Variants in MDGA2 observed in about 807,000 individuals in gnomAD.
The protein encoded by MDGA2 is MAM domain containing glycosylphosphatidylinositol anchor 2.
In MDGA2, 40 loss-of-function variants were observed where a neutral mutation model predicts 117.8. The ratio of observed to expected loss-of-function variants is 0.34; its 90% CI spans 0.26 to 0.44. The LOEUF (loss-of-function observed/expected upper bound fraction) is 0.44. Ranked by LOEUF, MDGA2 falls within the 20% of genes least tolerant of loss-of-function variation. The pLI is 1.00. For missense variants in MDGA2, 1,123 were observed against 1,250.6 expected (o/e 0.90, Z 1.54); for synonymous variants, 452 against 439.0 (o/e 1.03, Z -0.37).
chr14:47,557,977 C>A (rs1895716506), intron 1 of MDGA2, among the ~76,000 whole-genome samples: 1 of 152,138 alleles, frequency 6.6e-6, no homozygotes. Flanking sequence ...CTTCACTTAT[C>A]TTACATAGTT....
intron 1 of MDGA2, among the ~76,000 whole-genome samples, chr14:47,498,927 T>C (rs1427261502): frequency 2.6e-5 from 4 of 152,180 alleles, no homozygotes; most frequent in Admixed American, 1.3e-4. Context: ...TCACCATTTA[T>C]AATTTATGAA....
At chr14:47,160,720 G>A (rs1384830393) in intron 3 of MDGA2, among the ~76,000 whole-genome samples, 1 of 151,952 alleles carries the variant, frequency 6.6e-6, no homozygotes, top group Non-Finnish European at 1.5e-5. Flanking sequence ...AACTCTGCTG[G>A]GATTGTTCAT....
intron 1 of MDGA2, among the ~76,000 whole-genome samples, chr14:47,620,506 T>A (rs1424938950): frequency 6.6e-6 from 1 of 152,244 alleles, no homozygotes; most frequent in Non-Finnish European, 1.5e-5. Context: ...ATGTATATTG[T>A]AGATGCGTAC....
intron 1 of MDGA2, among the ~76,000 whole-genome samples, chr14:47,350,346 T>G (rs1890851369): frequency 6.6e-6 from 1 of 152,172 alleles, no homozygotes; most frequent in Admixed American, 6.5e-5. Context: ...CAGGGCATTT[T>G]CAAGGGTGGA....
At chr14:47,384,953 G>C (rs1055066269) in intron 1 of MDGA2, among the ~76,000 whole-genome samples, 1 of 152,084 alleles carries the variant, frequency 6.6e-6, no homozygotes, top group Admixed American at 6.6e-5. Flanking sequence ...TTTCAAATTT[G>C]TCTTGCCAGG....
chr14:47,345,949 G>C (rs140937680), intron 1 of MDGA2, among the ~76,000 whole-genome samples: 25 of 152,130 alleles, frequency 1.6e-4, no homozygotes, highest in African/African-American at 6.0e-4. Flanking sequence ...AGAGGGAAGG[G>C]AGGAATGCAG....
chr14:46,909,438 T>C (rs1187226697), intron 10 of MDGA2, among the ~76,000 whole-genome samples: 1 of 152,136 alleles, frequency 6.6e-6, no homozygotes, highest in Non-Finnish European at 1.5e-5. Flanking sequence ...GTGAAGAAAG[T>C]GTGAGCAGAA....
At chr14:47,230,629 C>T (rs1432886558) in intron 2 of MDGA2, among the ~76,000 whole-genome samples, 1 of 151,818 alleles carries the variant, frequency 6.6e-6, no homozygotes, top group African/African-American at 2.4e-5. Context: ...AATATTTGAA[C>T]GACTTTTAGA....
At chr14:47,122,105 A>C (rs1486957092) in intron 5 of MDGA2, among the ~76,000 whole-genome samples, 1 of 151,886 alleles carries the variant, frequency 6.6e-6, no homozygotes, top group East Asian at 1.9e-4. Flanking sequence ...TATTGTCATT[A>C]TTTTGCTAAA....
chr14:46,879,230 T>A (rs922356716), intron 11 of MDGA2, among the ~76,000 whole-genome samples: 1 of 152,026 alleles, frequency 6.6e-6, no homozygotes, highest in Non-Finnish European at 1.5e-5. Flanking sequence ...CTCTGCCATG[T>A]GAAGAAGACA....
intron 1 of MDGA2, among the ~76,000 whole-genome samples, chr14:47,390,638 G>T (rs1030436941): frequency 5.9e-5 from 9 of 152,124 alleles, no homozygotes; most frequent in African/African-American, 1.4e-4. Flanking sequence ...CACATAAAAG[G>T]GTGATTTCTT....
At chr14:47,565,176 TG>T (rs1895893536) in intron 1 of MDGA2, among the ~76,000 whole-genome samples, 1 of 152,332 alleles carries the variant, frequency 6.6e-6, no homozygotes, top group Middle Eastern at 3.4e-3. Flanking sequence ...CATTTGGAGG[TG>T]AGAAGACTCT....
At chr14:47,165,731 CT>C (rs2139296117) in intron 3 of MDGA2, among the ~76,000 whole-genome samples, 1 of 152,250 alleles carries the variant, frequency 6.6e-6, no homozygotes, top group South Asian at 2.1e-4. Flanking sequence ...TTTGCCAAAA[CT>C]GATATACAAA....
In MDGA2 at chr14:47,136,115, T is replaced by A. The variant is rs562799662; in HGVS notation, c.793-4269A>T. ...AAACTTGATTTCCACCAACCCTAAT[T>A]CTCCATTTCACCAAACAACTCTACT... On this transcript the variant is annotated intron_variant, in intron 4 of 16. Coordinates refer to ENST00000399232, the MANE Select transcript of MDGA2 (RefSeq NM_001113498.3). Among the ~76,000 whole-genome samples, 35 of 152,028 alleles carry A rather than the reference T, an allele frequency of 2.3e-4. 1 individual carries two copies. The South Asian group carries it at 6.9e-3, about 30-fold the overall frequency.
chr14:47,136,935 T>C (rs1334180337), intron 4 of MDGA2, among the ~76,000 whole-genome samples: 3 of 152,140 alleles, frequency 2.0e-5, no homozygotes, highest in South Asian at 2.1e-4. Context: ...CAGTCAATTA[T>C]GGAAAAGAGA....
chr14:47,635,050 G>A (rs911008562), intron 1 of MDGA2, among the ~76,000 whole-genome samples: 3 of 152,008 alleles, frequency 2.0e-5, no homozygotes, highest in African/African-American at 7.2e-5. Context: ...ACCCAATAGA[G>A]TTGTGCTGAA....
At chr14:47,166,496 T>G (rs1424984974) in intron 3 of MDGA2, among the ~76,000 whole-genome samples, 1 of 152,214 alleles carries the variant, frequency 6.6e-6, no homozygotes, top group Non-Finnish European at 1.5e-5. Flanking sequence ...TTGCATTTCT[T>G]TCTTTTAACA....
rs10144830 is a variant in MDGA2 at position 46,990,981 on chromosome 14, A to T, written c.1820-33338T>A. Among the ~76,000 whole-genome samples the T allele has an allele frequency of 1.0e-2, 1,517 of 152,136 alleles. 19 individuals carry two copies. The highest frequency in any genetic ancestry group is 0.034 in the African/African-American group (1,413 of 41,538). On this transcript the variant is annotated intron_variant, in intron 8 of 16. Coordinates refer to ENST00000399232, the MANE Select transcript of MDGA2 (RefSeq NM_001113498.3). Reference sequence around the variant, plus strand: ...TTAAAGGATTATGGGATTACAGTGCAAGTATCAGAACACACACTCTGAATT... The same window carrying T: ...TTAAAGGATTATGGGATTACAGTGCTAGTATCAGAACACACACTCTGAATT...
chr14:47,610,680 T>C (rs35615303), intron 1 of MDGA2, among the ~76,000 whole-genome samples: 18 of 151,850 alleles, frequency 1.2e-4, no homozygotes, highest in African/African-American at 3.1e-4. Context: ...AAAGAAATAA[T>C]AGATGACACA....
Sources: allele counts gnomAD v4.1 joint callset (sites outside exome capture counted in the v4.1 genomes callset), GRCh38; gene constraint gnomAD v4.1.1; transcripts MANE v1.5; gene names NCBI Gene and HGNC (gene_info 2026-07-23, HGNC 2026-07-21).